P2RY8: variants seen among roughly 807,000 people sequenced by gnomAD.
P2RY8 encodes S-geranylgeranyl-glutathione receptor P2RY8.
In P2RY8, 6 loss-of-function variants were observed where a neutral mutation model predicts 10.0. The observed-to-expected ratio is 0.60, with a 90% CI of 0.33 to 1.19. P2RY8 has a LOEUF of 1.19. P2RY8 is among the 50% of genes most tolerant of loss of function. The pLI is 0.04. For synonymous variants in P2RY8, 276 were observed against 252.5 expected (o/e 1.09, Z -0.88); for missense variants, 456 against 542.0 (o/e 0.84, Z 1.58).
chrX:1,521,754 G>A (rs1377478503), intron 1 of P2RY8, among the ~76,000 whole-genome samples: 12 of 150,608 alleles, frequency 8.0e-5, no homozygotes, highest in Non-Finnish European at 1.6e-4. Context: ...CTGGGTATTT[G>A]GTGGTATTTG....
intron 1 of P2RY8, among the ~76,000 whole-genome samples, chrX:1,519,933 C>A (rs1197675692): frequency 4.0e-5 from 6 of 150,400 alleles, no homozygotes; most frequent in Non-Finnish European, 7.4e-5. Context: ...GGTCCCCAAT[C>A]ATCTCTCTGG....
At chrX:1,521,741 C>T (rs2092393029) in intron 1 of P2RY8, among the ~76,000 whole-genome samples, 2 of 151,992 alleles carry the variant, frequency 1.3e-5, no homozygotes, top group Admixed American at 1.3e-4. Flanking sequence ...AGCCGCACCT[C>T]AGCTGGGTAT....
chrX:1,532,687 T>C (rs1255397942), intron 1 of P2RY8, among the ~76,000 whole-genome samples: 13 of 151,738 alleles, frequency 8.6e-5, no homozygotes, highest in Non-Finnish European at 1.5e-4. Context: ...AGAGCTAAGC[T>C]ATGAGGATGC....
chrX:1,522,690 G>C (rs1302374878), intron 1 of P2RY8, among the ~76,000 whole-genome samples: 1 of 152,018 alleles, frequency 6.6e-6, no homozygotes, highest in South Asian at 2.1e-4. Flanking sequence ...AGGATTGCTT[G>C]AGGCCAGGAG....
intron 1 of P2RY8, chrX:1,494,059 C>T (rs2092093787): frequency 6.6e-6 from 1 of 152,338 alleles, no homozygotes; most frequent in Admixed American, 6.5e-5. Flanking sequence ...AGCAGCCTCT[C>T]CTACCCGAAC....
chrX:1,532,408 G>A (rs1187884289), intron 1 of P2RY8, among the ~76,000 whole-genome samples: 1 of 136,426 alleles, frequency 7.3e-6, no homozygotes, highest in African/African-American at 2.6e-5. Flanking sequence ...ATGTATATAT[G>A]TATATGATGT....
At chrX:1,510,643 T>C (rs866424833) in intron 1 of P2RY8, among the ~76,000 whole-genome samples, 1 of 151,472 alleles carries the variant, frequency 6.6e-6, no homozygotes, top group African/African-American at 2.4e-5. Flanking sequence ...TTTGGGAGGC[T>C]GAGATGGGTG....
chrX:1,466,491 G>A lies in P2RY8; in HGVS notation c.68C>T (p.Ala23Val). ...TLQMLRNPAIAVALPVVYSLV... is the reference protein window; with the variant it reads ...TLQMLRNPAIVVALPVVYSLV... ...CGAGTACACCACGGGCAGGGCCACC[G>A]CGATCGCCGGGTTCCGCAGCATCTG... is the stretch of plus-strand genomic sequence containing the variant. The change falls in exon 2 of 2, where the codon GCG (alanine) becomes GTG (valine). Residue 23 changes from alanine (A) to valine (V), a missense_variant. Ala to Val is a moderately conservative substitution (Grantham distance 64). Coordinates refer to ENST00000381297, the MANE Select transcript of P2RY8 (RefSeq NM_178129.5). 1 of 1,611,354 alleles carries A rather than the reference G, an allele frequency of 6.2e-7. No individual in the cohort carries two copies. Among genetic ancestry groups the A allele is most frequent in the Middle Eastern group, 2.0e-4 (1 of 4,912 alleles).
chrX:1,493,976 G>A (rs1206484944), intron 1 of P2RY8: 2 of 152,276 alleles, frequency 1.3e-5, no homozygotes, highest in African/African-American at 2.4e-5. Flanking sequence ...GGGAGGCTGA[G>A]CTGAGGGCTT....
chrX:1,483,070 G>A (rs1229835050), intron 1 of P2RY8, among the ~76,000 whole-genome samples: 29 of 152,046 alleles, frequency 1.9e-4, no homozygotes, highest in Non-Finnish European at 3.8e-4. Context: ...TTGTGCACAT[G>A]TACCCTAAAA....
intron 1 of P2RY8, among the ~76,000 whole-genome samples, chrX:1,524,372 CTCAT>C (rs2092414514): frequency 9.8e-6 from 1 of 102,158 alleles, no homozygotes; most frequent in Non-Finnish European, 2.2e-5. Context: ...CATCCATCCA[CTCAT>C]CCATCCATCC....
intron 1 of P2RY8, among the ~76,000 whole-genome samples, chrX:1,466,883 CT>C (rs2091689816): frequency 6.7e-6 from 1 of 149,078 alleles, no homozygotes. Flanking sequence ...TCCTTCCTTC[CT>C]TCCTTCCCGC....
At chrX:1,506,753 C>G (rs2092237328) in intron 1 of P2RY8, among the ~76,000 whole-genome samples, 1 of 151,756 alleles carries the variant, frequency 6.6e-6, no homozygotes, top group African/African-American at 2.4e-5. Context: ...TCTTGGCTCA[C>G]TACAACCTCT....
rs184465678 is a variant in P2RY8, at chrX:1,527,756, T to C, written c.-25+9165A>G. ...ATTCATCCATTCATCCACTCTTCAT[T>C]CACCTGTCTACATATCCATCCATCC... On this transcript the variant is annotated intron_variant, in intron 1 of 1. Transcript: ENST00000381297. 3.3e-5 allele frequency among the ~76,000 whole-genome samples: 5 copies of C among 152,226 alleles called. No homozygotes were observed. In the East Asian group the frequency reaches 9.6e-4, roughly 29 times the overall value.
intron 1 of P2RY8, among the ~76,000 whole-genome samples, chrX:1,489,631 G>C (rs1207037317): frequency 2.7e-5 from 4 of 148,944 alleles, no homozygotes; most frequent in Non-Finnish European, 6.0e-5. Flanking sequence ...GACATCCAGG[G>C]CTTCCCTGCA....
chrX:1,524,606 TATCCATCC>T (rs549453966), intron 1 of P2RY8, among the ~76,000 whole-genome samples: 1 of 16,504 alleles, frequency 6.1e-5, no homozygotes, highest in Non-Finnish European at 1.2e-4. Context: ...TTCATCCATC[TATCCATCC>T]ATCCATCCAT....
intron 1 of P2RY8, among the ~76,000 whole-genome samples, chrX:1,499,158 C>G (rs868164972): frequency 1.0e-5 from 1 of 99,010 alleles, no homozygotes; most frequent in Non-Finnish European, 2.3e-5. Context: ...TTTTCTTTTT[C>G]TTTTCTTTTT....
intron 1 of P2RY8, among the ~76,000 whole-genome samples, chrX:1,499,593 C>A (rs1300080270): frequency 2.0e-5 from 3 of 151,730 alleles, no homozygotes; most frequent in East Asian, 1.9e-4. Context: ...GTATTTACTG[C>A]GTATATTAAA....
intron 1 of P2RY8, among the ~76,000 whole-genome samples, chrX:1,528,364 T>C (rs2092452297): frequency 6.6e-6 from 1 of 152,038 alleles, no homozygotes; most frequent in Non-Finnish European, 1.5e-5. Context: ...TGCTGGAGAG[T>C]GGGTTCCTGG....
Sources: allele counts gnomAD v4.1 joint callset (sites outside exome capture counted in the v4.1 genomes callset), GRCh38; gene constraint gnomAD v4.1.1; transcripts MANE v1.5; gene names NCBI Gene and HGNC (gene_info 2026-07-23, HGNC 2026-07-21).